The following G6PC1 variants were observed in gnomAD, a reference collection of about 807,000 sequenced individuals.
G6PC1 encodes G-6-Pase.
Under a neutral mutation model 30.4 loss-of-function variants are expected in G6PC1, and 23 were observed. The ratio of observed to expected loss-of-function variants is 0.76; its 90% CI spans 0.55 to 1.07. The LOEUF is 1.07. G6PC1 is among the 50% of genes least tolerant of loss of function. G6PC1 has a pLI of 0.00. For missense variants in G6PC1, 391 were observed against 433.9 expected (o/e 0.90, Z 0.88); for synonymous variants, 163 against 175.6 (o/e 0.93, Z 0.57).
intron 3 of G6PC1, among the ~76,000 whole-genome samples, chr17:42,907,994 T>C (rs2056072491): frequency 6.6e-6 from 1 of 152,238 alleles, no homozygotes; most frequent in African/African-American, 2.4e-5. Context: ...ATATTCCTAC[T>C]ACAGAGAATT....
In G6PC1 at chr17:42,911,274, G is replaced by A. The variant is rs774448424; in HGVS notation, c.922G>A (p.Val308Ile). 2.0e-5 allele frequency: 33 copies of A among 1,614,002 alleles called. No homozygotes were observed. The highest frequency in any genetic ancestry group is 5.3e-5 in the African/African-American group (4 of 74,890). The part of the protein sequence containing the change: ...SIVASLVLLH[V>I]FDSLKPPSQV... Reference sequence around the variant, plus strand: ...TGTAGCCTCCCTCGTCCTCCTGCACGTCTTTGACTCCTTGAAACCCCCATC... The same window carrying A: ...TGTAGCCTCCCTCGTCCTCCTGCACATCTTTGACTCCTTGAAACCCCCATC... Residue 308 changes from valine to isoleucine, a missense_variant, in exon 5 of 5, where the codon GTC becomes ATC. Physicochemically the swap from Val to Ile is conservative, Grantham distance 29. Coordinates refer to ENST00000253801, the MANE Select transcript of G6PC1 (RefSeq NM_000151.4).
At chr17:42,901,215 C>A in intron 1 of G6PC1, 109 bp downstream of exon 1, 2 of 911,542 alleles carry the variant, frequency 2.2e-6, no homozygotes, top group Non-Finnish European at 3.7e-6. Context: ...AAGCCACGGG[C>A]TACTCATGCT....
In G6PC1 at chr17:42,912,201, T is replaced by C. The variant is rs1300758054; in HGVS notation, c.*775T>C. On this transcript the variant is annotated 3_prime_UTR_variant, in exon 5 of 5. Coordinates refer to ENST00000253801, the MANE Select transcript of G6PC1 (RefSeq NM_000151.4). Reference sequence around the variant, plus strand: ...GGGGGACCAGCTTAAGTATAATTAATAGATGGTTAGTGGGGTAATTCTGCT... The same window carrying C: ...GGGGGACCAGCTTAAGTATAATTAACAGATGGTTAGTGGGGTAATTCTGCT... 2.0e-5 allele frequency: 3 copies of C among 152,398 alleles called. No homozygotes were observed. The highest frequency in any genetic ancestry group is 7.2e-5 in the African/African-American group (3 of 41,464). 9.4% of individuals were successfully genotyped at this position (152,398 alleles called of 1,614,324 possible).
At chr17:42,904,493 A>G (rs1221504166) in intron 2 of G6PC1, among the ~76,000 whole-genome samples, 2 of 152,160 alleles carry the variant, frequency 1.3e-5, no homozygotes, top group African/African-American at 4.8e-5. Context: ...TCAGTATGTA[A>G]TAGGAAGCCC....
Position 42,901,085 on chromosome 17 carries a change from G to A in G6PC1, c.209G>A (p.Trp70Ter), listed in dbSNP as rs1567702823. ...KLLWVAVIGD[W>*]LNLVFKWILF... ...CTTTGGGTAGCTGTGATTGGAGACT[G>A]GCTCAACCTCGTCTTTAAGTGGTAA... Residue 70 changes from tryptophan to a stop codon, truncating the protein, a stop_gained, in exon 1 of 5, where the codon TGG (tryptophan) becomes TAG (stop). Transcript: ENST00000253801. LOFTEE classifies it high-confidence loss of function. 4.3e-6 allele frequency: 7 copies of A among 1,613,908 alleles called. No individual in the cohort carries two copies. Among genetic ancestry groups the A allele is most frequent in the Non-Finnish European group, 5.9e-6 (7 of 1,179,934 alleles).
At chr17:42,906,550 C>T (rs2056063214) in intron 2 of G6PC1, among the ~76,000 whole-genome samples, 1 of 152,074 alleles carries the variant, frequency 6.6e-6, no homozygotes, top group South Asian at 2.1e-4. Flanking sequence ...CATCTCAGGA[C>T]CCTCTATCTC....
At position 42,905,519 on chromosome 17, in the gene G6PC1, A is replaced by AAAG. The variant is rs1200723669; in HGVS notation, c.340+1494_340+1496dup. ...ATTGTTTATAGGCAAAAAAAAAAAAAAAGAAGAAGAAGAAGAAAAGGAAAG... is the reference window on the plus strand; with the variant it reads ...ATTGTTTATAGGCAAAAAAAAAAAAAAAGAAGAAGAAGAAGAAGAAAAGGAAAG... On this transcript the variant is annotated intron_variant, in intron 2 of 4. Coordinates refer to ENST00000253801, the MANE Select transcript of G6PC1 (RefSeq NM_000151.4). Among the ~76,000 whole-genome samples, 5 of 149,750 alleles carry AAAG rather than the reference A, an allele frequency of 3.3e-5. No homozygotes were observed. In the South Asian group the frequency reaches 6.3e-4, roughly 19 times the overall value.
chr17:42,903,862 T>C (rs777175107), intron 1 of G6PC1, 69 bp from the exon 2 acceptor site: 31 of 1,008,376 alleles, frequency 3.1e-5, no homozygotes, highest in Non-Finnish European at 4.6e-5. Context: ...TACACTCTTC[T>C]TGAAGGTGTA....
rs556674425 is a variant in G6PC1, at chr17:42,908,896, A to G, written c.447-407A>G. 1.3e-4 allele frequency among the ~76,000 whole-genome samples: 19 copies of G among 150,018 alleles called. No homozygotes were observed. The South Asian group carries it at 3.8e-3, about 30-fold the overall frequency. On this transcript the variant is annotated intron_variant, in intron 3 of 4. Transcript: ENST00000253801. ...TTTTGTAATTTTTTTTTTAGTAGAGATGGGGTTTCACCTGTTGATCAGGCT... is the reference window on the plus strand; with the variant it reads ...TTTTGTAATTTTTTTTTTAGTAGAGGTGGGGTTTCACCTGTTGATCAGGCT...
Position 42,909,290 on chromosome 17 carries a change from T to G in G6PC1, c.447-13T>G, listed in dbSNP as rs767362252. ...GCACCTGTGTTCTGTTATGGTTGCC[T>G]CTTCTGTTGCAGGTGCTTGAATGTC... On this transcript the variant is annotated splice_polypyrimidine_tract_variant and intron_variant, in intron 3 of 4. Transcript: ENST00000253801. The G allele has an allele frequency of 6.3e-7, 1 of 1,591,730 alleles. No homozygotes were observed. Among genetic ancestry groups the G allele is most frequent in the South Asian group, 1.1e-5 (1 of 90,602 alleles).
intron 4 of G6PC1, 33 bp downstream of exon 4, chr17:42,909,451 C>A: frequency 6.7e-7 from 1 of 1,497,872 alleles, no homozygotes; most frequent in South Asian, 1.1e-5. Flanking sequence ...TCCTTCTCCC[C>A]CAAACCCCAT....
intron 4 of G6PC1, among the ~76,000 whole-genome samples, chr17:42,910,111 A>G (rs1488767996): frequency 1.3e-5 from 2 of 152,246 alleles, no homozygotes; most frequent in East Asian, 1.9e-4. Flanking sequence ...TCGGCCTCCC[A>G]AAGCGCTGGG....
rs975072899 is a variant in G6PC1 at position 42,911,396 on chromosome 17, C to T, written c.1044C>T (p.Val348=). 2 of 1,614,192 alleles carry T rather than the reference C, an allele frequency of 1.2e-6. No homozygotes were observed. Among genetic ancestry groups the T allele is most frequent in the Non-Finnish European group, 8.5e-7 (1 of 1,180,036 alleles). The change falls in exon 5 of 5, where the codon GTC becomes GTT. Residue 348 remains valine, a synonymous_variant. Coordinates refer to ENST00000253801, the MANE Select transcript of G6PC1 (RefSeq NM_000151.4). ...VSVIPYCLAQ[V]LGQPHKKSL is the part of the protein sequence containing the mutation. ...TCATCCCCTACTGCCTCGCCCAGGTCCTGGGCCAGCCGCACAAGAAGTCGT... is the reference window on the plus strand; with the variant it reads ...TCATCCCCTACTGCCTCGCCCAGGTTCTGGGCCAGCCGCACAAGAAGTCGT...
At chr17:42,909,119 C>T (rs1326806008) in intron 3 of G6PC1, among the ~76,000 whole-genome samples, 184 bp from the exon 4 acceptor site, 2 of 152,176 alleles carry the variant, frequency 1.3e-5, no homozygotes, top group Non-Finnish European at 2.9e-5. Flanking sequence ...ATTGGGATTA[C>T]AGGTCTGAGC....
chr17:42,903,654 C>A (rs547527242), intron 1 of G6PC1, among the ~76,000 whole-genome samples: 1 of 151,592 alleles, frequency 6.6e-6, no homozygotes, highest in Non-Finnish European at 1.5e-5. Context: ...CACAATGAGC[C>A]GAGATTGCGC....
intron 4 of G6PC1, 83 bp downstream of exon 4, chr17:42,909,501 C>T: frequency 1.0e-6 from 1 of 976,400 alleles, no homozygotes; most frequent in Non-Finnish European, 1.7e-6. Context: ...CCCAGCATTC[C>T]AGCCACATCC....
rs1438104005 is a variant in G6PC1 at position 42,913,740 on chromosome 17, G to A, written c.*2314G>A. 6.6e-6 allele frequency among the ~76,000 whole-genome samples: 1 copy of A among 152,156 alleles called. No individual in the cohort carries two copies. Among genetic ancestry groups the A allele is most frequent in the African/African-American group, 2.4e-5 (1 of 41,448 alleles). ...CACACAAGTTGCAGTAACACAACAA[G>A]ACTAGGCCAGCTCTGGAATCCAGTA... is the stretch of plus-strand genomic sequence containing the variant. On this transcript the variant is annotated 3_prime_UTR_variant, in exon 5 of 5. Transcript: ENST00000253801.
intron 4 of G6PC1, 58 bp from the exon 5 acceptor site, chr17:42,910,857 C>G: frequency 6.4e-7 from 1 of 1,567,020 alleles, no homozygotes; most frequent in Non-Finnish European, 8.8e-7. Context: ...CCAAACCCAC[C>G]TCTAGCAAAG....
intron 3 of G6PC1, among the ~76,000 whole-genome samples, chr17:42,908,960 G>A (rs1469942751): frequency 3.4e-5 from 5 of 147,486 alleles, no homozygotes; most frequent in African/African-American, 7.5e-5. Context: ...CACCCACCTC[G>A]GCCTCCCAAA....
Sources: allele counts gnomAD v4.1 joint callset (sites outside exome capture counted in the v4.1 genomes callset), GRCh38; gene constraint gnomAD v4.1.1; transcripts MANE v1.5; gene names NCBI Gene and HGNC (gene_info 2026-07-23, HGNC 2026-07-21).